The following TTC23 variants were observed in gnomAD, a reference collection of about 807,000 sequenced individuals.
TTC23 encodes tetratricopeptide repeat domain 23.
Under a neutral mutation model 55.1 loss-of-function variants are expected in TTC23, and 58 were observed. That is an observed-to-expected ratio of 1.05 (90% confidence interval 0.85 to 1.31). TTC23 has a LOEUF of 1.31. Among genes scored for constraint, TTC23 ranks in the 50% most tolerant of loss-of-function variants. TTC23 has a pLI of 0.00. For synonymous variants in TTC23, 203 were observed against 199.9 expected (o/e 1.02, Z -0.13); for missense variants, 516 against 534.4 (o/e 0.97, Z 0.34).
intron 13 of TTC23, among the ~76,000 whole-genome samples, chr15:99,138,529 G>GTC (rs1462607372): frequency 6.6e-6 from 1 of 152,186 alleles, no homozygotes; most frequent in East Asian, 1.9e-4. Flanking sequence ...GGCCAGTCTG[G>GTC]TCTCAAACTC....
chr15:99,197,327 CTCCT>C (rs2075823546), intron 9 of TTC23, among the ~76,000 whole-genome samples: 1 of 152,136 alleles, frequency 6.6e-6, no homozygotes, highest in Non-Finnish European at 1.5e-5. Flanking sequence ...TGGTCTTGAT[CTCCT>C]GACCTTGTGA....
chr15:99,237,372 T>C (rs2079408389), intron 3 of TTC23, among the ~76,000 whole-genome samples: 1 of 151,982 alleles, frequency 6.6e-6, no homozygotes, highest in Non-Finnish European at 1.5e-5. Context: ...TTTTAATAGC[T>C]AAAAAACTAG....
chr15:99,214,745 G>A (rs1401807556), intron 8 of TTC23, among the ~76,000 whole-genome samples: 1 of 150,756 alleles, frequency 6.6e-6, no homozygotes, highest in African/African-American at 2.4e-5. Context: ...TATGATTCTA[G>A]TTTTCATTTT....
intron 3 of TTC23, among the ~76,000 whole-genome samples, chr15:99,240,167 T>C (rs1597034160): frequency 6.6e-6 from 1 of 152,322 alleles, no homozygotes; most frequent in East Asian, 1.9e-4. Context: ...TTCCATTTAG[T>C]GGGAGGCAGA....
intron 11 of TTC23, among the ~76,000 whole-genome samples, chr15:99,161,376 T>C (rs764305595): frequency 2.6e-5 from 4 of 152,176 alleles, no homozygotes; most frequent in Non-Finnish European, 5.9e-5. Flanking sequence ...ACCGTATAGT[T>C]TTCCTTAGAC....
At chr15:99,243,675 G>A (rs1054451781) in intron 2 of TTC23, among the ~76,000 whole-genome samples, 16 of 152,172 alleles carry the variant, frequency 1.1e-4, no homozygotes, top group African/African-American at 3.4e-4. Flanking sequence ...ACAGCAACAT[G>A]GATGAAACTG....
In TTC23 at chr15:99,156,261, T is replaced by G. The variant is rs1427701176; in HGVS notation, c.1030A>C (p.Lys344Gln). 1.5e-5 allele frequency: 24 copies of G among 1,614,238 alleles called. No homozygotes were observed. Among genetic ancestry groups the G allele is most frequent in the Non-Finnish European group, 1.9e-5 (23 of 1,180,042 alleles). Residue 344 changes from lysine to glutamine, a missense_variant, in exon 12 of 14, where the codon AAA becomes CAA. Coordinates refer to ENST00000394132, the MANE Select transcript of TTC23 (RefSeq NM_001288615.3). Reference sequence around the variant, plus strand: ...CTGAAATCGCCAAATGCTTCCACTTTGGCTTCCAGGGACTCTCTCAGGATC... The same window carrying G: ...CTGAAATCGCCAAATGCTTCCACTTGGGCTTCCAGGGACTCTCTCAGGATC... Reference protein sequence around the residue: ...TSILRESLEAKVEAFGDFSPE... With the variant: ...TSILRESLEAQVEAFGDFSPE...
intron 12 of TTC23, among the ~76,000 whole-genome samples, chr15:99,145,593 G>A (rs2068754324): frequency 6.6e-6 from 1 of 151,836 alleles, no homozygotes; most frequent in South Asian, 2.1e-4. Context: ...GGTGGTGGTG[G>A]TGGGCTCACA....
intron 8 of TTC23, among the ~76,000 whole-genome samples, chr15:99,208,282 T>C (rs574048869): frequency 7.2e-5 from 11 of 152,194 alleles, no homozygotes; most frequent in Admixed American, 2.6e-4. Flanking sequence ...ATATATGCTA[T>C]ACATATACAC....
At chr15:99,231,680 G>C (rs1345805521) in intron 4 of TTC23, among the ~76,000 whole-genome samples, 1 of 151,940 alleles carries the variant, frequency 6.6e-6, no homozygotes, top group Non-Finnish European at 1.5e-5. Context: ...TTTTAGTAGA[G>C]ATAGGGTTTC....
intron 5 of TTC23, among the ~76,000 whole-genome samples, chr15:99,224,508 A>G (rs1268657647): frequency 2.6e-5 from 4 of 152,250 alleles, no homozygotes; most frequent in Admixed American, 6.5e-5. Flanking sequence ...TTATATGACT[A>G]TATCATAACT....
At chr15:99,218,849 G>A (rs1220856400) in intron 7 of TTC23, 49 bp downstream of exon 7, 2 of 1,600,006 alleles carry the variant, frequency 1.3e-6, no homozygotes, top group Non-Finnish European at 1.7e-6. Context: ...GCGTGTAAGT[G>A]TTACGTGAAT....
chr15:99,184,512 C>T (rs1406277022), intron 9 of TTC23, among the ~76,000 whole-genome samples: 1 of 152,186 alleles, frequency 6.6e-6, no homozygotes, highest in African/African-American at 2.4e-5. Context: ...TTAATTACTA[C>T]CTTATTGGAT....
intron 4 of TTC23, among the ~76,000 whole-genome samples, chr15:99,229,863 A>T (rs2078790254): frequency 6.6e-6 from 1 of 152,244 alleles, no homozygotes; most frequent in Admixed American, 6.5e-5. Flanking sequence ...TTAGCTCTAG[A>T]CTGAACACTG....
chr15:99,207,192 A>ACTTTCT (rs2076693236), intron 8 of TTC23, among the ~76,000 whole-genome samples: 1 of 152,184 alleles, frequency 6.6e-6, no homozygotes, highest in Non-Finnish European at 1.5e-5. Context: ...AGAACAGAAA[A>ACTTTCT]GATAGGTAAA....
At chr15:99,141,187 T>G (rs932637578) in intron 12 of TTC23, 7 of 152,212 alleles carry the variant, frequency 4.6e-5, no homozygotes, top group Non-Finnish European at 1.0e-4. Flanking sequence ...TAGTAATGAA[T>G]ATGTAAACTG....
intron 6 of TTC23, among the ~76,000 whole-genome samples, chr15:99,220,586 T>C (rs1335064350): frequency 6.6e-6 from 1 of 152,196 alleles, no homozygotes; most frequent in African/African-American, 2.4e-5. Flanking sequence ...CCAAGGTCCC[T>C]AAGAGCCTTT....
At chr15:99,176,389 T>A (rs905200535) in intron 9 of TTC23, among the ~76,000 whole-genome samples, 1 of 151,948 alleles carries the variant, frequency 6.6e-6, no homozygotes, top group South Asian at 2.1e-4. Flanking sequence ...AGGCTGGAGA[T>A]TGCTAGAGCT....
intron 12 of TTC23, among the ~76,000 whole-genome samples, chr15:99,152,585 T>G (rs2151869670): frequency 6.6e-6 from 1 of 152,238 alleles, no homozygotes; most frequent in African/African-American, 2.4e-5. Context: ...TTGGCCAGGC[T>G]GGTCTCTAAC....
Sources: allele counts gnomAD v4.1 joint callset (sites outside exome capture counted in the v4.1 genomes callset), GRCh38; gene constraint gnomAD v4.1.1; transcripts MANE v1.5; gene names NCBI Gene and HGNC (gene_info 2026-07-23, HGNC 2026-07-21).